WDR72: variants seen among roughly 807,000 people sequenced by gnomAD.
WDR72 encodes the protein WD repeat domain 72.
Under a neutral mutation model 124.2 loss-of-function variants are expected in WDR72, and 120 were observed. The ratio of observed to expected loss-of-function variants is 0.97; its 90% CI spans 0.83 to 1.12. The LOEUF is 1.12. WDR72 is among the 50% of genes most tolerant of loss of function. WDR72 has a pLI of 0.00. For synonymous variants in WDR72, 452 were observed against 441.7 expected (o/e 1.02, Z -0.29); for missense variants, 1,387 against 1,278.8 (o/e 1.08, Z -1.29).
chr15:53,616,112 G>A lies in WDR72; in HGVS notation c.2094C>T (p.Leu698=), dbSNP rs1238292815. The A allele has an allele frequency of 1.9e-6, 3 of 1,604,760 alleles. No individual in the cohort carries two copies. Among genetic ancestry groups the A allele is most frequent in the South Asian group, 1.1e-5 (1 of 90,194 alleles). The change falls in exon 15 of 20, where the codon CTC becomes CTT. Residue 698 remains leucine (L), a synonymous_variant. Transcript: ENST00000360509. ...ATGAACTGGAAGAGTCAACATCACTGAGTGGAGTTGGTAGCAAAAGTTCAA... is the reference window on the plus strand; with the variant it reads ...ATGAACTGGAAGAGTCAACATCACTAAGTGGAGTTGGTAGCAAAAGTTCAA... ...NLVELLLPTP[L]SDVDSSSSFY...
chr15:53,716,978 A>G (rs538012122), intron 3 of WDR72, among the ~76,000 whole-genome samples: 2 of 152,220 alleles, frequency 1.3e-5, no homozygotes, highest in Non-Finnish European at 2.9e-5. Context: ...CAGTACAACA[A>G]TCTTTCAGTG....
At chr15:53,619,783 C>T (rs919312473) in intron 14 of WDR72, among the ~76,000 whole-genome samples, 2 of 151,998 alleles carry the variant, frequency 1.3e-5, no homozygotes, top group South Asian at 2.1e-4. Flanking sequence ...ATTGTGCTCT[C>T]GTTTTGCTTT....
intron 19 of WDR72, among the ~76,000 whole-genome samples, chr15:53,518,003 C>A (rs1434128399): frequency 2.6e-5 from 4 of 151,848 alleles, no homozygotes; most frequent in Admixed American, 2.6e-4. Flanking sequence ...GGTAAATACA[C>A]TTTAATTGCA....
rs529202079 is a variant in WDR72, at chr15:53,706,647, T to C, written c.955-573A>G. 1.1e-4 allele frequency among the ~76,000 whole-genome samples: 16 copies of C among 151,832 alleles called. No homozygotes were observed. In the South Asian group the frequency reaches 3.1e-3, roughly 30 times the overall value. On this transcript the variant is annotated intron_variant, in intron 9 of 19. Coordinates refer to ENST00000360509, the MANE Select transcript of WDR72 (RefSeq NM_182758.4). ...GCTTAATTTCTTTACAGTTCCTTTA[T>C]AGTTCTAATTGTCAGTTAAAACAGC...
chr15:53,754,765 G>T (rs1023015362), intron 1 of WDR72, among the ~76,000 whole-genome samples: 1 of 152,054 alleles, frequency 6.6e-6, no homozygotes, highest in Non-Finnish European at 1.5e-5. Flanking sequence ...CACAGCAAGG[G>T]CAACACCATC....
chr15:53,736,032 A>G (rs1285674244), intron 1 of WDR72, among the ~76,000 whole-genome samples: 1 of 152,156 alleles, frequency 6.6e-6, no homozygotes, highest in African/African-American at 2.4e-5. Context: ...AATTTCCCAG[A>G]ATACAGCAAG....
intron 18 of WDR72, among the ~76,000 whole-genome samples, chr15:53,546,262 C>A (rs2140270578): frequency 6.6e-6 from 1 of 152,144 alleles, no homozygotes; most frequent in South Asian, 2.1e-4. Flanking sequence ...TTGGAACCAA[C>A]CCAGATGTCC....
chr15:53,552,408 C>T (rs1354084442), intron 18 of WDR72, among the ~76,000 whole-genome samples: 1 of 152,070 alleles, frequency 6.6e-6, no homozygotes, highest in African/African-American at 2.4e-5. Flanking sequence ...GCAGGACCAA[C>T]GTGACCTTTA....
chr15:53,585,225 G>A (rs188870177), intron 18 of WDR72, among the ~76,000 whole-genome samples: 1 of 152,124 alleles, frequency 6.6e-6, no homozygotes, highest in East Asian at 1.9e-4. Flanking sequence ...GAGGCCTCAG[G>A]AAACTCACAA....
intron 18 of WDR72, among the ~76,000 whole-genome samples, chr15:53,530,445 G>A (rs776442728): frequency 6.6e-6 from 1 of 151,788 alleles, no homozygotes; most frequent in African/African-American, 2.4e-5. Context: ...CTGCAAAGTC[G>A]TTTGTTTTCT....
At chr15:53,568,263 T>C (rs540488966) in intron 18 of WDR72, among the ~76,000 whole-genome samples, 32 of 151,918 alleles carry the variant, frequency 2.1e-4, no homozygotes, top group African/African-American at 7.7e-4. Context: ...ACAACTTTAC[T>C]GAGCAGCTTT....
intron 18 of WDR72, among the ~76,000 whole-genome samples, chr15:53,551,935 G>A (rs925659765): frequency 6.6e-6 from 1 of 152,084 alleles, no homozygotes; most frequent in Non-Finnish European, 1.5e-5. Flanking sequence ...CTGTCTGGCA[G>A]TTGGTCTCTA....
At chr15:53,621,883 G>A (rs997275781) in intron 14 of WDR72, among the ~76,000 whole-genome samples, 17 of 151,986 alleles carry the variant, frequency 1.1e-4, no homozygotes, top group African/African-American at 4.1e-4. Flanking sequence ...ATCTGACAAA[G>A]CCCTAATATC....
chr15:53,603,401 AAC>A (rs1288408367), intron 17 of WDR72, among the ~76,000 whole-genome samples: 1 of 152,148 alleles, frequency 6.6e-6, no homozygotes, highest in African/African-American at 2.4e-5. Flanking sequence ...CAAAAGCTAG[AAC>A]CATTCTCCCT....
Position 53,517,276 on chromosome 15 carries a change from C to A in WDR72, c.*423G>T, listed in dbSNP as rs1248235877. On this transcript the variant is annotated 3_prime_UTR_variant, in exon 20 of 20. Coordinates refer to ENST00000360509, the MANE Select transcript of WDR72 (RefSeq NM_182758.4). ...AGTTGGTAAAATTTTAGATTAAATA[C>A]CTTGAAGCAGTATTAAATTTGTAAG... is the stretch of plus-strand genomic sequence containing the variant. 2.3e-5 allele frequency: 4 copies of A among 170,236 alleles called. No homozygotes were observed. The highest frequency in any genetic ancestry group is 5.8e-5 in the Admixed American group (1 of 17,120). The allele number at this position is 170,236 out of a possible 1,614,324, so 10.5% of individuals were successfully genotyped here.
At chr15:53,621,741 G>A (rs1796651402) in intron 14 of WDR72, among the ~76,000 whole-genome samples, 1 of 151,812 alleles carries the variant, frequency 6.6e-6, no homozygotes, top group East Asian at 1.9e-4. Context: ...CACCACTAAA[G>A]CATTTAATCA....
At chr15:53,735,744 A>G (rs1324683427) in intron 1 of WDR72, among the ~76,000 whole-genome samples, 1 of 152,162 alleles carries the variant, frequency 6.6e-6, no homozygotes, top group Non-Finnish European at 1.5e-5. Context: ...CCATGAGCAA[A>G]CAGAAAGATT....
At chr15:53,599,621 C>G (rs2012951143) in intron 17 of WDR72, among the ~76,000 whole-genome samples, 1 of 151,908 alleles carries the variant, frequency 6.6e-6, no homozygotes, top group South Asian at 2.1e-4. Flanking sequence ...TATATTATAC[C>G]CCTCAGAATG....
chr15:53,566,058 T>C (rs773003603), intron 18 of WDR72, among the ~76,000 whole-genome samples: 2 of 151,978 alleles, frequency 1.3e-5, no homozygotes, highest in Non-Finnish European at 2.9e-5. Flanking sequence ...GTGTTGATTA[T>C]GTGGGAGAGC....
Sources: gnomAD v4.1 joint callset for allele counts (sites outside exome capture counted in the v4.1 genomes callset) on GRCh38, gnomAD v4.1.1 for gene constraint, MANE v1.5 for transcripts, NCBI Gene and HGNC (gene_info 2026-07-23, HGNC 2026-07-21) for gene names.